DNM1L: variants seen among roughly 807,000 people sequenced by gnomAD.
DNM1L encodes the protein dynamin-1-like protein.
Under a neutral mutation model 92.8 loss-of-function variants are expected in DNM1L, and 33 were observed. The observed-to-expected ratio is 0.36, with a 90% CI of 0.27 to 0.48. The LOEUF is 0.48. DNM1L is among the 20% of genes least tolerant of loss of function. The pLI, the probability that DNM1L is intolerant of heterozygous loss-of-function variation, is 0.99. For synonymous variants in DNM1L, 284 were observed against 305.0 expected (o/e 0.93, Z 0.72); for missense variants, 485 against 888.8 (o/e 0.55, Z 5.78).
In DNM1L at chr12:32,693,053, C is replaced by T. The variant is rs534548768; in HGVS notation, c.103-8362C>T. 6.6e-4 allele frequency among the ~76,000 whole-genome samples: 101 copies of T among 152,258 alleles called. No individual in the cohort carries two copies. In the Middle Eastern group the frequency reaches 0.01, roughly 15 times the overall value. On this transcript the variant is annotated intron_variant, in intron 1 of 19. Coordinates refer to ENST00000549701, the MANE Select transcript of DNM1L (RefSeq NM_012062.5). ...GTCTCATGTTTGAGAATTTCTCTAACGAATCAAGGAGTGGAATTGCCAGAC... is the reference window on the plus strand; with the variant it reads ...GTCTCATGTTTGAGAATTTCTCTAATGAATCAAGGAGTGGAATTGCCAGAC...
intron 1 of DNM1L, chr12:32,679,718 C>G (rs960705619): frequency 9.0e-5 from 107 of 1,187,628 alleles, no homozygotes; most frequent in Admixed American, 3.8e-4. Context: ...CTGGCTAGCC[C>G]GGCGGGTCCC....
At chr12:32,695,862 TA>T (rs1469550763) in intron 1 of DNM1L, among the ~76,000 whole-genome samples, 1 of 152,040 alleles carries the variant, frequency 6.6e-6, no homozygotes, top group African/African-American at 2.4e-5. Context: ...CAAGTAAACG[TA>T]ACAGATAATA....
intron 9 of DNM1L, among the ~76,000 whole-genome samples, chr12:32,723,108 C>A (rs992215130): frequency 7.3e-5 from 11 of 151,104 alleles, no homozygotes; most frequent in Non-Finnish European, 1.3e-4. Flanking sequence ...GAGTTCAAGT[C>A]CAGCCTGGGC....
At chr12:32,720,542 G>C in intron 7 of DNM1L, 122 bp from the exon 8 acceptor site, 1 of 1,424,806 alleles carries the variant, frequency 7.0e-7, no homozygotes, top group Admixed American at 1.8e-5. Context: ...TAAAATTATT[G>C]TGAGAATTAA....
intron 9 of DNM1L, chr12:32,727,597 T>C (rs1490512400): frequency 4.1e-6 from 2 of 485,548 alleles, no homozygotes; most frequent in African/African-American, 3.8e-5. Context: ...ACCTAGGCAT[T>C]TTTGTATGCA....
intron 1 of DNM1L, among the ~76,000 whole-genome samples, chr12:32,681,069 C>T (rs1430588671): frequency 6.6e-6 from 1 of 151,982 alleles, no homozygotes; most frequent in Non-Finnish European, 1.5e-5. Context: ...GGTCAGTAAA[C>T]CTGTTGGCAA....
At chr12:32,694,872 G>T (rs996209432) in intron 1 of DNM1L, among the ~76,000 whole-genome samples, 5 of 152,164 alleles carry the variant, frequency 3.3e-5, no homozygotes, top group African/African-American at 1.2e-4. Flanking sequence ...GCTTTTTAAA[G>T]GGCCGATTTT....
intron 2 of DNM1L, chr12:32,706,032 A>T: frequency 5.7e-6 from 3 of 522,358 alleles, no homozygotes; most frequent in Non-Finnish European, 6.5e-6. Context: ...TTGCATCAAA[A>T]TGCAAGCTTT....
intron 1 of DNM1L, among the ~76,000 whole-genome samples, chr12:32,691,250 G>GT (rs762471034): frequency 2.7e-5 from 4 of 148,634 alleles, no homozygotes; most frequent in Admixed American, 1.3e-4. Flanking sequence ...CAGTAGCCTT[G>GT]TTTTTTTTAG....
At chr12:32,707,462 T>G in intron 3 of DNM1L, 49 bp downstream of exon 3, 1 of 1,336,678 alleles carries the variant, frequency 7.5e-7, no homozygotes, top group Non-Finnish European at 1.0e-6. Flanking sequence ...AAAAATATAT[T>G]GTATGAATAC....
At chr12:32,741,569 G>C (rs1371992204) in intron 18 of DNM1L, among the ~76,000 whole-genome samples, 1 of 152,208 alleles carries the variant, frequency 6.6e-6, no homozygotes, top group African/African-American at 2.4e-5. Flanking sequence ...ATAGGCGTGA[G>C]CCACTGCACC....
In DNM1L at chr12:32,744,869, A is replaced by C; in HGVS notation, c.*1459A>C. 1 of 503,256 alleles carries C rather than the reference A, an allele frequency of 2.0e-6. No individual in the cohort carries two copies. Among genetic ancestry groups the C allele is most frequent in the Non-Finnish European group, 4.0e-6 (1 of 252,074 alleles). 31.2% of individuals were successfully genotyped at this position (503,256 alleles called of 1,614,324 possible). A position where few individuals can be genotyped will look rare whatever the true frequency, so the allele number is the denominator to read the frequency against. ...TCTTGGTATGAACGACTATATTATA[A>C]ATTTTAAGATGTACTTAGAAATCCT... is the stretch of plus-strand genomic sequence containing the variant. On this transcript the variant is annotated 3_prime_UTR_variant, in exon 20 of 20. Coordinates refer to ENST00000549701, the MANE Select transcript of DNM1L (RefSeq NM_012062.5).
intron 15 of DNM1L, 52 bp from the exon 16 acceptor site, chr12:32,738,212 G>C: frequency 6.3e-7 from 1 of 1,594,402 alleles, no homozygotes; most frequent in Non-Finnish European, 8.6e-7. Context: ...TCAACCCATT[G>C]GTATTTAAAT....
intron 1 of DNM1L, among the ~76,000 whole-genome samples, chr12:32,688,097 G>A (rs1266381483): frequency 6.6e-6 from 1 of 151,814 alleles, no homozygotes; most frequent in Admixed American, 6.6e-5. Flanking sequence ...GCTAATATTT[G>A]TTTTTTTAGT....
chr12:32,738,183 A>G, intron 15 of DNM1L, 81 bp from the exon 16 acceptor site: 3 of 1,515,184 alleles, frequency 2.0e-6, no homozygotes, highest in Non-Finnish European at 2.7e-6. Context: ...AGAGGAAATT[A>G]TCCTGCACTT....
intron 1 of DNM1L, among the ~76,000 whole-genome samples, chr12:32,685,345 C>T (rs530129458): frequency 6.8e-6 from 1 of 147,176 alleles, no homozygotes; most frequent in South Asian, 2.2e-4. Context: ...AAGTGTTTTC[C>T]ATAGTGGCTG....
intron 6 of DNM1L, among the ~76,000 whole-genome samples, chr12:32,716,118 T>C (rs1381264856): frequency 1.3e-5 from 2 of 152,106 alleles, no homozygotes; most frequent in Non-Finnish European, 2.9e-5. Flanking sequence ...AAATGCATTA[T>C]GCTAAATGAA....
At chr12:32,698,091 A>C (rs1952545292) in intron 1 of DNM1L, among the ~76,000 whole-genome samples, 1 of 152,140 alleles carries the variant, frequency 6.6e-6, no homozygotes, top group Non-Finnish European at 1.5e-5. Flanking sequence ...GAATGAAATG[A>C]TGGAAAGCAC....
At chr12:32,742,805 G>A in intron 19 of DNM1L, 57 bp downstream of exon 19, 1 of 1,473,252 alleles carries the variant, frequency 6.8e-7, no homozygotes, top group Non-Finnish European at 9.2e-7. Context: ...CATAGAAATA[G>A]TTTTAAATGC....
Sources: gnomAD v4.1 joint callset for allele counts (sites outside exome capture counted in the v4.1 genomes callset) on GRCh38, gnomAD v4.1.1 for gene constraint, MANE v1.5 for transcripts, NCBI Gene and HGNC (gene_info 2026-07-23, HGNC 2026-07-21) for gene names.